Variants in ASIC2 observed in about 807,000 individuals in gnomAD.
The protein encoded by ASIC2 is acid sensing ion channel subunit 2.
A neutral mutation model predicts 57.3 loss-of-function variants in ASIC2; 25 were observed. The observed-to-expected ratio is 0.44, with a 90% CI of 0.32 to 0.61. The LOEUF is 0.61. Among genes scored for constraint, ASIC2 ranks in the 20% least tolerant of loss-of-function variants. The pLI is 0.06. For synonymous variants in ASIC2, 319 were observed against 307.5 expected, an observed-to-expected ratio of 1.04 and a Z score of -0.39; for missense variants, 641 against 738.1, an observed-to-expected ratio of 0.87 and a Z score of 1.52.
At chr17:33,912,132 T>C (rs1358567955) in intron 1 of ASIC2, among the ~76,000 whole-genome samples, 2 of 50,504 alleles carry the variant, frequency 4.0e-5, no homozygotes, top group African/African-American at 1.8e-4. Context: ...AGAGTGAGAC[T>C]CCGTCAAAAA....
At chr17:33,192,161 T>C (rs1906445858) in intron 1 of ASIC2, among the ~76,000 whole-genome samples, 2 of 152,050 alleles carry the variant, frequency 1.3e-5, no homozygotes, top group Admixed American at 6.6e-5. Context: ...GGAGACAAGA[T>C]CCTGAGGTCA....
At chr17:33,018,424 C>T (rs1476344142) in intron 7 of ASIC2, among the ~76,000 whole-genome samples, 2 of 152,202 alleles carry the variant, frequency 1.3e-5, no homozygotes, top group African/African-American at 4.8e-5. Flanking sequence ...GGTGCATTCT[C>T]GGGCCCACCA....
chr17:33,089,106 G>T, intron 2 of ASIC2, 116 bp from the exon 3 acceptor site: 1 of 1,369,792 alleles, frequency 7.3e-7, no homozygotes, highest in Non-Finnish European at 9.7e-7. Flanking sequence ...CAGAATAATG[G>T]CCCCCAAAGG....
intron 1 of ASIC2, among the ~76,000 whole-genome samples, chr17:33,610,058 A>ATG (rs199995721): frequency 5.0e-5 from 7 of 141,040 alleles, no homozygotes; most frequent in Non-Finnish European, 9.2e-5. Context: ...AGAGGCGCAC[A>ATG]CACACACACA....
At chr17:34,038,400 C>T (rs1321744540) in intron 1 of ASIC2, 1 of 1,611,874 alleles carries the variant, frequency 6.2e-7, no homozygotes, top group African/African-American at 1.3e-5. Context: ...ATCCGGTATT[C>T]CCTACATGCA....
rs376425663 is a variant in ASIC2, at chr17:33,013,632, T to A, written c.*333A>T. 5.3e-5 allele frequency: 17 copies of A among 319,106 alleles called. No individual in the cohort carries two copies. The highest frequency in any genetic ancestry group is 3.5e-4 in the African/African-American group (17 of 47,990). The allele number at this position is 319,106 out of a possible 1,614,324, so 19.8% of individuals were successfully genotyped here. On this transcript the variant is annotated 3_prime_UTR_variant, in exon 10 of 10. Transcript: ENST00000225823. ...ACACTGGAAACCGCGTGGAGGAGTG[T>A]CATGTACAAGACAGACGTGGAGGTG...
At chr17:33,489,214 G>A (rs1188802213) in intron 1 of ASIC2, among the ~76,000 whole-genome samples, 1 of 152,142 alleles carries the variant, frequency 6.6e-6, no homozygotes, top group Non-Finnish European at 1.5e-5. Flanking sequence ...ATAACTAAAA[G>A]CCACCATTAC....
At chr17:33,056,982 C>A (rs2092000605) in intron 3 of ASIC2, among the ~76,000 whole-genome samples, 1 of 152,200 alleles carries the variant, frequency 6.6e-6, no homozygotes, top group Admixed American at 6.5e-5. Context: ...ACAACATCAA[C>A]AGGCCCAGTG....
intron 1 of ASIC2, among the ~76,000 whole-genome samples, chr17:34,056,989 T>G (rs1434177223): frequency 6.6e-6 from 1 of 152,232 alleles, no homozygotes; most frequent in Non-Finnish European, 1.5e-5. Flanking sequence ...AGATAATCAA[T>G]GTATAATAGT....
intron 3 of ASIC2, among the ~76,000 whole-genome samples, chr17:33,081,584 C>G (rs1196173513): frequency 6.6e-6 from 1 of 152,056 alleles, no homozygotes; most frequent in South Asian, 2.1e-4. Context: ...ACTGGGCAAG[C>G]TTCCATTTCT....
chr17:33,792,932 C>T (rs1295927778), intron 1 of ASIC2: 1 of 152,226 alleles, frequency 6.6e-6, no homozygotes, highest in South Asian at 2.1e-4. Flanking sequence ...TCCAGATCAA[C>T]ACCCTCTCCA....
At chr17:33,427,344 G>T (rs891792983) in intron 1 of ASIC2, among the ~76,000 whole-genome samples, 1 of 152,198 alleles carries the variant, frequency 6.6e-6, no homozygotes, top group Non-Finnish European at 1.5e-5. Context: ...TCTACCCCAT[G>T]GGAATAATCT....
chr17:33,927,556 T>C (rs2141969138), intron 1 of ASIC2, among the ~76,000 whole-genome samples: 1 of 152,344 alleles, frequency 6.6e-6, no homozygotes, highest in Non-Finnish European at 1.5e-5. Flanking sequence ...TGCTGCTGCC[T>C]TGATCCTGGG....
At chr17:33,060,007 G>C (rs890290794) in intron 3 of ASIC2, among the ~76,000 whole-genome samples, 1 of 151,832 alleles carries the variant, frequency 6.6e-6, no homozygotes, top group African/African-American at 2.4e-5. Flanking sequence ...TGATGGGGTT[G>C]TTTGTTTTTT....
chr17:33,546,677 G>C (rs1439552258), intron 1 of ASIC2, among the ~76,000 whole-genome samples: 1 of 152,162 alleles, frequency 6.6e-6, no homozygotes, highest in African/African-American at 2.4e-5. Flanking sequence ...GCCTTCCTGA[G>C]TCCTCATGGG....
intron 3 of ASIC2, among the ~76,000 whole-genome samples, chr17:33,074,068 T>C (rs2092079900): frequency 6.6e-6 from 1 of 152,142 alleles, no homozygotes; most frequent in African/African-American, 2.4e-5. Flanking sequence ...TGCCTTTGGC[T>C]CTAGCCTCCG....
intron 1 of ASIC2, among the ~76,000 whole-genome samples, chr17:33,315,781 T>C (rs1671681266): frequency 6.6e-6 from 1 of 152,226 alleles, no homozygotes; most frequent in Non-Finnish European, 1.5e-5. Context: ...CAAGTGTGTT[T>C]CTTTTGACCT....
chr17:33,518,011 G>A (rs1914627291), intron 1 of ASIC2, among the ~76,000 whole-genome samples: 1 of 152,150 alleles, frequency 6.6e-6, no homozygotes, highest in African/African-American at 2.4e-5. Context: ...TCCAGAGAGG[G>A]CACCCAGTCC....
intron 1 of ASIC2, among the ~76,000 whole-genome samples, chr17:34,117,244 T>A (rs1308605538): frequency 2.0e-5 from 3 of 151,906 alleles, no homozygotes; most frequent in Admixed American, 2.0e-4. Flanking sequence ...TTATCTCTGG[T>A]GGAAAAAAGA....
Sources: gnomAD v4.1 joint callset for allele counts (sites outside exome capture counted in the v4.1 genomes callset) on GRCh38, gnomAD v4.1.1 for gene constraint, MANE v1.5 for transcripts, NCBI Gene and HGNC (gene_info 2026-07-23, HGNC 2026-07-21) for gene names.